The following ZFAND3 variants were observed in gnomAD, a reference collection of about 807,000 sequenced individuals.
ZFAND3 encodes the protein zinc finger AN1-type containing 3.
Under a neutral mutation model 29.6 loss-of-function variants are expected in ZFAND3, and 10 were observed. The observed-to-expected ratio is 0.34, with a 90% CI of 0.21 to 0.57. ZFAND3 has a LOEUF of 0.57. ZFAND3 is among the 20% of genes least tolerant of loss of function. The pLI is 0.86. For synonymous variants in ZFAND3, 128 were observed against 112.6 expected, an observed-to-expected ratio of 1.14 and a Z score of -0.87; for missense variants, 230 against 304.5, an observed-to-expected ratio of 0.76 and a Z score of 1.82.
chr6:37,904,565 T>G (rs1765375576), intron 1 of ZFAND3, among the ~76,000 whole-genome samples: 1 of 152,180 alleles, frequency 6.6e-6, no homozygotes. Context: ...GCTGCCTGGC[T>G]GTACATTTTC....
At chr6:38,136,265 G>GT (rs1462311891) in intron 5 of ZFAND3, among the ~76,000 whole-genome samples, 1 of 152,232 alleles carries the variant, frequency 6.6e-6, no homozygotes, top group African/African-American at 2.4e-5. Flanking sequence ...TACAGTGCCT[G>GT]TGACACAGTC....
At chr6:37,888,125 A>G (rs756852086) in intron 1 of ZFAND3, among the ~76,000 whole-genome samples, 22 of 151,880 alleles carry the variant, frequency 1.4e-4, no homozygotes, top group Admixed American at 3.3e-4. Context: ...GTAAGTACCT[A>G]CGTCTACAGC....
At position 37,956,711 on chromosome 6, in the gene ZFAND3, G is replaced by A. The variant is rs960554038; in HGVS notation, c.112+26712G>A. Among the ~76,000 whole-genome samples, 4 of 152,276 alleles carry A rather than the reference G, an allele frequency of 2.6e-5. No individual in the cohort carries two copies. The South Asian group carries it at 6.2e-4, about 24-fold the overall frequency. On this transcript the variant is annotated intron_variant, in intron 2 of 5. Coordinates refer to ENST00000287218, the MANE Select transcript of ZFAND3 (RefSeq NM_021943.3). Reference sequence around the variant, plus strand: ...TGGATCCCTTCAGAAAAATGTGCAAGTGCTCATAGTTTTGCATATATTTCT... The same window carrying A: ...TGGATCCCTTCAGAAAAATGTGCAAATGCTCATAGTTTTGCATATATTTCT...
intron 2 of ZFAND3, among the ~76,000 whole-genome samples, chr6:37,998,100 A>G (rs796203849): frequency 3.3e-5 from 5 of 152,382 alleles, no homozygotes; most frequent in African/African-American, 1.2e-4. Context: ...TGGATAAACA[A>G]ACTGTAGAAT....
intron 4 of ZFAND3, among the ~76,000 whole-genome samples, chr6:38,089,288 C>T (rs571495648): frequency 1.7e-4 from 26 of 152,030 alleles, no homozygotes; most frequent in African/African-American, 2.2e-4. Flanking sequence ...CCACCACACC[C>T]GGCTAATTTT....
chr6:38,097,894 T>A (rs1227164435), intron 4 of ZFAND3, among the ~76,000 whole-genome samples: 1 of 151,900 alleles, frequency 6.6e-6, no homozygotes, highest in Non-Finnish European at 1.5e-5. Context: ...GAGGTAGAAG[T>A]CAGTGGAGAT....
chr6:37,875,115 C>T (rs1764767939), intron 1 of ZFAND3, among the ~76,000 whole-genome samples: 1 of 152,170 alleles, frequency 6.6e-6, no homozygotes, highest in African/African-American at 2.4e-5. Flanking sequence ...GCAGTTTATA[C>T]TGATGTACCT....
At chr6:37,870,719 T>C (rs2127387945) in intron 1 of ZFAND3, among the ~76,000 whole-genome samples, 1 of 152,278 alleles carries the variant, frequency 6.6e-6, no homozygotes, top group Non-Finnish European at 1.5e-5. Flanking sequence ...GGTCTTGTTC[T>C]ATTGCTCAGG....
chr6:37,982,847 C>T (rs974993674), intron 2 of ZFAND3, among the ~76,000 whole-genome samples: 4 of 152,198 alleles, frequency 2.6e-5, no homozygotes, highest in African/African-American at 9.7e-5. Context: ...ATACCTGTTA[C>T]TACCCCTGAA....
chr6:37,845,273 ACAG>A lies in ZFAND3; in HGVS notation c.71+25261_71+25263del, dbSNP rs567514159. On this transcript the variant is annotated intron_variant, in intron 1 of 5. Coordinates refer to ENST00000287218, the MANE Select transcript of ZFAND3 (RefSeq NM_021943.3). ...GGAGGCAGACGTAACTGAATTACAG[ACAG>A]CAGTCATTTTTAGGTGTTATAATGT... Among the ~76,000 whole-genome samples, 262 of 152,272 alleles carry A rather than the reference ACAG, an allele frequency of 1.7e-3. 1 individual carries two copies. The highest frequency in any genetic ancestry group is 6.0e-3 in the African/African-American group (251 of 41,548).
At chr6:38,136,297 T>C (rs2127493345) in intron 5 of ZFAND3, among the ~76,000 whole-genome samples, 1 of 152,306 alleles carries the variant, frequency 6.6e-6, no homozygotes, top group East Asian at 1.9e-4. Flanking sequence ...ACAGGGAATG[T>C]CCCATGTAGC....
intron 4 of ZFAND3, among the ~76,000 whole-genome samples, chr6:38,105,033 A>G (rs1765179938): frequency 2.0e-5 from 3 of 152,376 alleles, no homozygotes. Flanking sequence ...CACTTAACCA[A>G]TGCCTCAGTT....
chr6:37,968,008 C>T (rs975505801), intron 2 of ZFAND3, among the ~76,000 whole-genome samples: 1 of 152,088 alleles, frequency 6.6e-6, no homozygotes, highest in Admixed American at 6.5e-5. Context: ...AAACAATTGC[C>T]CTGCTGGTAG....
intron 2 of ZFAND3, among the ~76,000 whole-genome samples, chr6:37,958,650 A>G (rs949846045): frequency 6.6e-6 from 1 of 152,066 alleles, no homozygotes; most frequent in Non-Finnish European, 1.5e-5. Flanking sequence ...AGTCATAGCA[A>G]TTAAGCTTGG....
At chr6:37,865,421 ACC>A (rs1404732390) in intron 1 of ZFAND3, among the ~76,000 whole-genome samples, 2 of 152,138 alleles carry the variant, frequency 1.3e-5, no homozygotes, top group Non-Finnish European at 2.9e-5. Context: ...TGGATGCAGA[ACC>A]CACATTAAAC....
At chr6:37,862,965 T>G (rs903392180) in intron 1 of ZFAND3, among the ~76,000 whole-genome samples, 6 of 152,104 alleles carry the variant, frequency 3.9e-5, no homozygotes, top group Non-Finnish European at 5.9e-5. Context: ...CTATTTCTTA[T>G]TTAATCACCC....
intron 2 of ZFAND3, among the ~76,000 whole-genome samples, chr6:38,014,566 A>T (rs959667665): frequency 6.6e-6 from 1 of 152,136 alleles, no homozygotes; most frequent in Non-Finnish European, 1.5e-5. Flanking sequence ...ACCTCAGGTG[A>T]TCTACCCGCC....
intron 1 of ZFAND3, among the ~76,000 whole-genome samples, chr6:37,821,207 G>C (rs1276170615): frequency 6.6e-6 from 1 of 152,194 alleles, no homozygotes; most frequent in African/African-American, 2.4e-5. Flanking sequence ...AGAAAGATTA[G>C]AAAGTGGATC....
chr6:38,139,820 C>T (rs1305311013), intron 5 of ZFAND3, among the ~76,000 whole-genome samples: 9 of 151,412 alleles, frequency 5.9e-5, no homozygotes, highest in African/African-American at 2.2e-4. Context: ...TGGCTTATGA[C>T]GCTGGCTGCT....
Sources: allele counts gnomAD v4.1 joint callset (sites outside exome capture counted in the v4.1 genomes callset), GRCh38; gene constraint gnomAD v4.1.1; transcripts MANE v1.5; gene names NCBI Gene and HGNC (gene_info 2026-07-23, HGNC 2026-07-21).